Variants in ASB4 observed in about 807,000 individuals in gnomAD.
The protein encoded by ASB4 is ankyrin repeat and SOCS box containing 4, also known as ankyrin repeat and SOCS box protein 4.
Under a neutral mutation model 38.6 loss-of-function variants are expected in ASB4, and 35 were observed. The observed-to-expected ratio is 0.91, with a 90% CI of 0.69 to 1.20. The LOEUF is 1.20. Ranked by LOEUF, ASB4 falls within the 50% of genes most tolerant of loss-of-function variation. The pLI, the probability that ASB4 is intolerant of heterozygous loss-of-function variation, is 0.00. For synonymous variants in ASB4, 195 were observed against 201.3 expected (o/e 0.97, Z 0.26); for missense variants, 557 against 527.2 (o/e 1.06, Z -0.55).
rs556760988 is a variant in ASB4 at position 95,519,978 on chromosome 7, A to G, written c.488-7835A>G. The stretch of plus-strand genomic sequence containing the variant: ...TGAACAATGTTTCAAAACAGAGTAG[A>G]ATAAAAAAAATCTTCATCTAAAAAA... On this transcript the variant is annotated intron_variant, in intron 2 of 4. Transcript: ENST00000325885. Among the ~76,000 whole-genome samples, 4 of 152,364 alleles carry G rather than the reference A, an allele frequency of 2.6e-5. No individual in the cohort carries two copies. In the East Asian group the frequency reaches 5.8e-4, roughly 22 times the overall value.
At chr7:95,512,396 C>T (rs58483065) in intron 2 of ASB4, among the ~76,000 whole-genome samples, 1,843 of 152,284 alleles carry the variant, frequency 0.012, 34 homozygotes, top group African/African-American at 0.042. Context: ...CTCTTTTCCC[C>T]CATCCCTGGA....
chr7:95,516,448 T>A (rs1790584579), intron 2 of ASB4, among the ~76,000 whole-genome samples: 1 of 152,146 alleles, frequency 6.6e-6, no homozygotes, highest in African/African-American at 2.4e-5. Flanking sequence ...TATCCTTTCT[T>A]TAAGGTTGAG....
rs1195316474 is a variant in ASB4 at position 95,537,777 on chromosome 7, T to C, written c.*18T>C. 6.2e-7 allele frequency: 1 copy of C among 1,603,712 alleles called. No homozygotes were observed. The highest frequency in any genetic ancestry group is 1.3e-5 in the African/African-American group (1 of 74,666). The stretch of plus-strand genomic sequence containing the variant: ...TTTATTAAGCCTTATGAGACAGCAG[T>C]TCCCAATCCTAGGTATTTAAGTGGA... On this transcript the variant is annotated 3_prime_UTR_variant, in exon 5 of 5. Transcript: ENST00000325885.
At chr7:95,513,606 T>A (rs1790516226) in intron 2 of ASB4, among the ~76,000 whole-genome samples, 2 of 152,132 alleles carry the variant, frequency 1.3e-5, no homozygotes, top group Admixed American at 1.3e-4. Context: ...AAAAACAACA[T>A]CACAGAAACA....
At chr7:95,518,398 C>T (rs1327027646) in intron 2 of ASB4, among the ~76,000 whole-genome samples, 1 of 152,226 alleles carries the variant, frequency 6.6e-6, no homozygotes, top group Non-Finnish European at 1.5e-5. Context: ...AGCCATAAGA[C>T]CAAGGCAGCT....
At chr7:95,523,735 A>C (rs1169753436) in intron 2 of ASB4, among the ~76,000 whole-genome samples, 1 of 152,202 alleles carries the variant, frequency 6.6e-6, no homozygotes, top group East Asian at 1.9e-4. Context: ...TGTAGCATTA[A>C]TTTTAAGATC....
rs1339920689 is a variant in ASB4, at chr7:95,539,498, A to C, written c.*1739A>C. 1.3e-5 allele frequency: 2 copies of C among 152,288 alleles called. No individual in the cohort carries two copies. Among genetic ancestry groups the C allele is most frequent in the African/African-American group, 4.8e-5 (2 of 41,474 alleles). The allele number at this position is 152,288 out of a possible 1,614,324, so 9.4% of individuals were successfully genotyped here. ...GAATTTGTATGAATTATTCACATAA[A>C]GCTTGATCTTTCAAAAAATAGTTTG... On this transcript the variant is annotated 3_prime_UTR_variant, in exon 5 of 5. Transcript: ENST00000325885.
Position 95,527,816 on chromosome 7 carries a change from C to T in ASB4, c.491C>T (p.Ala164Val), listed in dbSNP as rs138454369. 3.1e-6 allele frequency: 5 copies of T among 1,595,818 alleles called. No individual in the cohort carries two copies. Among genetic ancestry groups the T allele is most frequent in the East Asian group, 2.3e-5 (1 of 44,374 alleles). Residue 164 changes from alanine (A) to valine (V), a missense_variant, in exon 3 of 5, where the codon GCG becomes GTG. Ala to Val is a moderately conservative substitution (Grantham distance 64, BLOSUM62 0). Transcript: ENST00000325885. ...CTTCCTCAATTTCCCTTTATAGGGG[C>T]GAATGTGAACATGAAGACCAACAAC... ...LCAKQLVWRG[A>V]NVNMKTNNQD...
chr7:95,505,356 A>G (rs1790392712), intron 2 of ASB4, among the ~76,000 whole-genome samples: 1 of 152,200 alleles, frequency 6.6e-6, no homozygotes, highest in South Asian at 2.1e-4. Flanking sequence ...AGATATATTT[A>G]TAATATCACA....
chr7:95,546,793 G>A, the ASB4 span, among the ~76,000 whole-genome samples: 1 of 152,186 alleles, frequency 6.6e-6, no homozygotes, highest in East Asian at 1.9e-4. Flanking sequence ...GCCGGCACAG[G>A]ATTTCACTTT....
At chr7:95,549,490 G>A in the ASB4 span, among the ~76,000 whole-genome samples, 12 of 151,616 alleles carry the variant, frequency 7.9e-5, no homozygotes, top group African/African-American at 2.9e-4. Flanking sequence ...GTAGAGACAG[G>A]GTTTCACCGT....
upstream of ASB4, chr7:95,485,781 A>G: frequency 1.9e-6 from 1 of 525,948 alleles, no homozygotes; most frequent in Non-Finnish European, 3.4e-6. Flanking sequence ...ACCAGTTTAA[A>G]GGACCTGAAA....
the ASB4 span, among the ~76,000 whole-genome samples, chr7:95,550,507 A>G: frequency 9.2e-5 from 14 of 152,192 alleles, no homozygotes; most frequent in African/African-American, 3.4e-4. Context: ...AGCCTTCAAA[A>G]GCAAACCTGA....
At chr7:95,544,980 G>A (rs1173016691), downstream of ASB4, among the ~76,000 whole-genome samples, 8 of 151,778 alleles carry the variant, frequency 5.3e-5, no homozygotes, top group African/African-American at 1.9e-4. Context: ...GAGCCACTGT[G>A]CCCAGCCAGA....
rs1790916355 is a variant in ASB4, at chr7:95,537,746, G to T, written c.1268G>T (p.Gly423Val). The change falls in exon 5 of 5, where the codon GGA becomes GTA. Residue 423 changes from glycine to valine, a missense_variant. Physicochemically the swap from Gly to Val is moderately radical, Grantham distance 109. Transcript: ENST00000325885. ...LKKYLLLEPE[G>V]IIY ...AAGTACTTGCTTTTAGAGCCAGAGG[G>T]AATTATTTATTAAGCCTTATGAGAC... 8 of 1,613,426 alleles carry T rather than the reference G, an allele frequency of 5.0e-6. No homozygotes were observed. The highest frequency in any genetic ancestry group is 1.3e-5 in the African/African-American group (1 of 75,012).
chr7:95,496,428 A>T (rs1790249293), intron 2 of ASB4, among the ~76,000 whole-genome samples: 1 of 152,246 alleles, frequency 6.6e-6, no homozygotes, highest in African/African-American at 2.4e-5. Flanking sequence ...ATATATAATT[A>T]TAAATTGGGA....
chr7:95,513,353 G>A (rs1191147376), intron 2 of ASB4, among the ~76,000 whole-genome samples: 1 of 130,260 alleles, frequency 7.7e-6, no homozygotes, highest in Non-Finnish European at 1.6e-5. Flanking sequence ...GGAATGGAAT[G>A]ATTTATTTTA....
intron 2 of ASB4, among the ~76,000 whole-genome samples, chr7:95,506,725 T>A (rs997758002): frequency 1.6e-4 from 25 of 151,542 alleles, no homozygotes; most frequent in Non-Finnish European, 5.9e-5. Flanking sequence ...GTTCTAAAAT[T>A]TCACAATGAA....
At position 95,500,034 on chromosome 7, in the gene ASB4, G is replaced by T. The variant is rs1288659156; in HGVS notation, c.487+3977G>T. ...GAGCATCCTCATTTTTAAGAAGCGG[G>T]ACAAAGTAAAAGATGGTTTTAAATG... On this transcript the variant is annotated intron_variant, in intron 2 of 4. Transcript: ENST00000325885. Among the ~76,000 whole-genome samples the T allele has an allele frequency of 3.9e-5, 6 of 152,032 alleles. No homozygotes were observed. The South Asian group carries it at 8.3e-4, about 21-fold the overall frequency.
Sources: gnomAD v4.1 joint callset for allele counts (sites outside exome capture counted in the v4.1 genomes callset) on GRCh38, gnomAD v4.1.1 for gene constraint, MANE v1.5 for transcripts, NCBI Gene and HGNC (gene_info 2026-07-23, HGNC 2026-07-21) for gene names.